The following DTNB variants were observed in gnomAD, a reference collection of about 807,000 sequenced individuals.
The protein encoded by DTNB is dystrobrevin beta, also known as DTN-B.
Under a neutral mutation model 90.7 loss-of-function variants are expected in DTNB, and 63 were observed. The ratio of observed to expected loss-of-function variants is 0.69; its 90% CI spans 0.57 to 0.86. The LOEUF is 0.86. DTNB is among the 40% of genes least tolerant of loss of function. DTNB has a pLI of 0.00. For synonymous variants in DTNB, 277 were observed against 286.7 expected, an observed-to-expected ratio of 0.97 and a Z score of 0.34; for missense variants, 744 against 807.1, an observed-to-expected ratio of 0.92 and a Z score of 0.95.
chr2:25,640,554 CCT>C (rs67976777), intron 2 of DTNB, among the ~76,000 whole-genome samples: 1 of 151,630 alleles, frequency 6.6e-6, no homozygotes, highest in African/African-American at 2.4e-5. Flanking sequence ...AATATTTATC[CCT>C]CTCTCTCTCT....
chr2:25,411,987 T>C (rs1574022300), intron 16 of DTNB, among the ~76,000 whole-genome samples: 1 of 152,154 alleles, frequency 6.6e-6, no homozygotes. Flanking sequence ...ATCCAAAGGC[T>C]AAGAAGGGAA....
intron 16 of DTNB, among the ~76,000 whole-genome samples, chr2:25,415,775 C>T (rs1419965096): frequency 6.6e-6 from 1 of 152,080 alleles, no homozygotes; most frequent in Non-Finnish European, 1.5e-5. Flanking sequence ...GTCTATATGC[C>T]AGGAGGTGGT....
At chr2:25,480,585 C>T (rs114454125) in intron 10 of DTNB, among the ~76,000 whole-genome samples, 216 of 152,272 alleles carry the variant, frequency 1.4e-3, no homozygotes, top group African/African-American at 5.0e-3. Context: ...CAATAAAACA[C>T]TGTCCAGAAA....
intron 16 of DTNB, among the ~76,000 whole-genome samples, chr2:25,393,725 A>C (rs892657176): frequency 1.3e-5 from 2 of 152,198 alleles, no homozygotes; most frequent in Admixed American, 6.5e-5. Context: ...ACTATAAAAC[A>C]CTGCTGAAAG....
rs2038706517 is a variant in DTNB, at chr2:25,384,000, C to T, written c.1826-111G>A. The T allele has an allele frequency of 1.3e-5, 20 of 1,583,212 alleles. No individual in the cohort carries two copies. In the South Asian group the frequency reaches 2.2e-4, roughly 17 times the overall value. ...TGGGAGGAAACTCTAGCTAACAGCT[C>T]CTGGCTGCAGGCCTCTGAGGGTGCT... On this transcript the variant is annotated intron_variant, in intron 18 of 20. Coordinates refer to ENST00000406818, the MANE Select transcript of DTNB (RefSeq NM_021907.5).
At chr2:25,650,882 A>T (rs928245033) in intron 2 of DTNB, among the ~76,000 whole-genome samples, 4 of 151,820 alleles carry the variant, frequency 2.6e-5, no homozygotes, top group Admixed American at 1.3e-4. Context: ...AATCACTTGA[A>T]CCCAGGAGGT....
At chr2:25,560,088 A>G (rs189083829) in intron 8 of DTNB, among the ~76,000 whole-genome samples, 1 of 152,330 alleles carries the variant, frequency 6.6e-6, no homozygotes, top group East Asian at 1.9e-4. Flanking sequence ...ATGTCTACTA[A>G]AAATACAAAA....
intron 10 of DTNB, chr2:25,481,704 T>TA (rs1353982840): frequency 1.3e-5 from 2 of 152,228 alleles, no homozygotes; most frequent in Non-Finnish European, 2.9e-5. Flanking sequence ...CTTTACTCGT[T>TA]AGCTTCCTTG....
chr2:25,451,725 A>C, intron 11 of DTNB, 90 bp from the exon 12 acceptor site: 1 of 1,267,114 alleles, frequency 7.9e-7, no homozygotes, highest in Non-Finnish European at 1.0e-6. Flanking sequence ...AGAAAAGCTC[A>C]TAAAAGAATG....
intron 16 of DTNB, among the ~76,000 whole-genome samples, chr2:25,417,808 A>AT (rs1182801988): frequency 6.6e-6 from 1 of 152,204 alleles, no homozygotes; most frequent in Non-Finnish European, 1.5e-5. Context: ...AGCTGGAAGG[A>AT]TAAGTAGTCT....
At chr2:25,454,478 C>T (rs1333673379) in intron 11 of DTNB, among the ~76,000 whole-genome samples, 1 of 152,146 alleles carries the variant, frequency 6.6e-6, no homozygotes, top group African/African-American at 2.4e-5. Flanking sequence ...ACAAGAATCT[C>T]AAAGCATGGC....
At chr2:25,501,151 C>T (rs570004568) in intron 9 of DTNB, among the ~76,000 whole-genome samples, 148 of 152,044 alleles carry the variant, frequency 9.7e-4, no homozygotes, top group African/African-American at 3.4e-3. Flanking sequence ...AAACTGAATA[C>T]AGCTAAAGAT....
In DTNB at chr2:25,451,707, C is replaced by A. The variant is rs150224124; in HGVS notation, c.1170-72G>T. On this transcript the variant is annotated intron_variant, in intron 11 of 20. Coordinates refer to ENST00000406818, the MANE Select transcript of DTNB (RefSeq NM_021907.5). ...ATTCTTGTTCCATTCTCAGAAAGAACAGATGGAAGAAAAGCTCATAAAAGA... is the reference window on the plus strand; with the variant it reads ...ATTCTTGTTCCATTCTCAGAAAGAAAAGATGGAAGAAAAGCTCATAAAAGA... 2.0e-5 allele frequency: 27 copies of A among 1,370,498 alleles called. No homozygotes were observed. The African/African-American group carries it at 2.5e-4, about 13-fold the overall frequency. The allele number at this position is 1,370,498 out of a possible 1,614,324, so 84.9% of individuals were successfully genotyped here.
At chr2:25,648,901 A>C (rs1323777758) in intron 2 of DTNB, among the ~76,000 whole-genome samples, 1 of 151,568 alleles carries the variant, frequency 6.6e-6, no homozygotes, top group Admixed American at 6.6e-5. Flanking sequence ...ACCAATCATC[A>C]CTCTTAACAG....
intron 6 of DTNB, among the ~76,000 whole-genome samples, chr2:25,586,488 C>T (rs527746337): frequency 1.4e-4 from 20 of 140,900 alleles, no homozygotes; most frequent in African/African-American, 4.8e-4. Flanking sequence ...CCAGCCTGGG[C>T]GACAGAGCAT....
intron 3 of DTNB, among the ~76,000 whole-genome samples, chr2:25,634,181 A>C: frequency 1.5e-5 from 2 of 131,872 alleles, no homozygotes; most frequent in Non-Finnish European, 1.6e-5. Context: ...GGCCGCCCCT[A>C]CTGGGAAGTG....
At chr2:25,546,522 ATTAG>A (rs1221381638) in intron 8 of DTNB, among the ~76,000 whole-genome samples, 1 of 152,208 alleles carries the variant, frequency 6.6e-6, no homozygotes, top group African/African-American at 2.4e-5. Context: ...TTACAGAAAT[ATTAG>A]TTCCACTTAC....
At chr2:25,624,532 G>A (rs1220509167) in intron 4 of DTNB, among the ~76,000 whole-genome samples, 1 of 152,218 alleles carries the variant, frequency 6.6e-6, no homozygotes, top group Admixed American at 6.5e-5. Flanking sequence ...ATGCAACCAA[G>A]ATGAGGGGCT....
At chr2:25,660,923 C>T (rs1478730318) in intron 1 of DTNB, among the ~76,000 whole-genome samples, 1 of 152,182 alleles carries the variant, frequency 6.6e-6, no homozygotes, top group Non-Finnish European at 1.5e-5. Context: ...AGTGATATAT[C>T]AGAGATCCTG....
Sources: allele counts gnomAD v4.1 joint callset (sites outside exome capture counted in the v4.1 genomes callset), GRCh38; gene constraint gnomAD v4.1.1; transcripts MANE v1.5; gene names NCBI Gene and HGNC (gene_info 2026-07-23, HGNC 2026-07-21).